Variants in PAX6 observed in about 807,000 individuals in gnomAD.
The protein encoded by PAX6 is paired box 6.
Under a neutral mutation model 60.7 loss-of-function variants are expected in PAX6, and 7 were observed. The observed-to-expected ratio is 0.12, with a 90% CI of 0.07 to 0.22. The LOEUF is 0.22. PAX6 is among the 10% of genes least tolerant of loss of function. The probability of loss-of-function intolerance (pLI) is 1.00; values close to 1 mark genes in which losing one functional copy is unlikely to be tolerated. For synonymous variants in PAX6, 208 were observed against 201.2 expected (o/e 1.03, Z -0.29); for missense variants, 355 against 555.2 (o/e 0.64, Z 3.62).
intron 2 of PAX6, chr11:31,808,690 T>A (rs1956409239): frequency 2.0e-5 from 3 of 151,780 alleles, no homozygotes; most frequent in African/African-American, 7.2e-5. Context: ...GTTGATTAGT[T>A]TTCGAAGCAG....
At chr11:31,814,913 C>T (rs1417109586), upstream of PAX6, 2 of 155,510 alleles carry the variant, frequency 1.3e-5, no homozygotes, top group African/African-American at 2.4e-5. Context: ...TTCCTCGCCT[C>T]CTGCCAAATG....
chr11:31,815,790 A>G (rs1307845302), upstream of PAX6, among the ~76,000 whole-genome samples: 2 of 147,874 alleles, frequency 1.4e-5, no homozygotes, highest in East Asian at 4.0e-4. Context: ...AAAAAAAAGT[A>G]TTTTCAATTT....
At chr11:31,816,490 T>A in intron 1 of PAX6, 1 of 700,774 alleles carries the variant, frequency 1.4e-6, no homozygotes, top group South Asian at 1.5e-5. Flanking sequence ...CGATCTCCAA[T>A]AAACATCTCT....
At chr11:31,816,594 C>T in intron 1 of PAX6, 1 of 702,596 alleles carries the variant, frequency 1.4e-6, no homozygotes, top group Non-Finnish European at 2.6e-6. Flanking sequence ...TGCTCGCCGC[C>T]CAGCTCCAGG....
chr11:31,810,749 G>A (rs1028823219), intron 2 of PAX6, 79 bp downstream of exon 2: 8 of 398,172 alleles, frequency 2.0e-5, no homozygotes, highest in Admixed American at 4.4e-5. Context: ...CGAGAGGGGA[G>A]GAAGGAAGGG....
At chr11:31,816,435 G>A in intron 1 of PAX6, 1 of 663,112 alleles carries the variant, frequency 1.5e-6, no homozygotes, top group Non-Finnish European at 2.8e-6. Context: ...CTGGTCAGAG[G>A]TAATTATGTC....
intron 5 of PAX6, chr11:31,802,353 A>T: frequency 3.1e-6 from 1 of 320,614 alleles, no homozygotes; most frequent in Middle Eastern, 9.6e-4. Context: ...AGCAGAATGA[A>T]ATTATGCCGG....
At chr11:31,809,470 T>C (rs1047393293) in intron 2 of PAX6, 13 of 152,210 alleles carry the variant, frequency 8.5e-5, no homozygotes, top group Non-Finnish European at 4.4e-5. Context: ...TTTTAAACTT[T>C]CTAGAAATCG....
chr11:31,797,706 C>CA (rs1438483370), intron 8 of PAX6, among the ~76,000 whole-genome samples: 1 of 152,150 alleles, frequency 6.6e-6, no homozygotes, highest in Admixed American at 6.5e-5. Context: ...CATTTCCCCC[C>CA]ACTTTAGTGG....
upstream of PAX6, chr11:31,811,327 G>A: frequency 5.0e-6 from 2 of 398,396 alleles, no homozygotes; most frequent in East Asian, 3.6e-5. Context: ...ACATGCAAAT[G>A]CACCGCTCGC....
intron 8 of PAX6, among the ~76,000 whole-genome samples, chr11:31,795,431 C>T (rs1439431507): frequency 6.6e-6 from 1 of 152,198 alleles, no homozygotes; most frequent in African/African-American, 2.4e-5. Context: ...GTAATTATAT[C>T]ATCACCAAGA....
rs185327778 is a variant in PAX6 at position 31,802,216 on chromosome 11, C to T, written c.142-304G>A. The T allele has an allele frequency of 7.1e-3, 2,926 of 411,642 alleles. 33 individuals are homozygous for T. The highest frequency in any genetic ancestry group is 0.024 in the South Asian group (832 of 34,160). 25.5% of individuals were successfully genotyped at this position (411,642 alleles called of 1,614,324 possible). ...TTTACTTCTTCTTCTTTAAAAAATA[C>T]TCAATTGAGTAAATGTGAGTTAGGG... On this transcript the variant is annotated intron_variant, in intron 5 of 13. Coordinates refer to ENST00000640368, the MANE Select transcript of PAX6 (RefSeq NM_001368894.2).
At chr11:31,801,003 A>C in intron 7 of PAX6, 147 bp from the exon 8 acceptor site, 1 of 862,904 alleles carries the variant, frequency 1.2e-6, no homozygotes, top group Non-Finnish European at 1.9e-6. Flanking sequence ...ATTTGCAGAT[A>C]CACCGTGGAA....
intron 7 of PAX6, 63 bp downstream of exon 7, chr11:31,801,498 G>A: frequency 6.2e-7 from 1 of 1,612,168 alleles, no homozygotes; most frequent in Non-Finnish European, 8.5e-7. Flanking sequence ...AGGGTGGGAG[G>A]AGGTAAAGAG....
Position 31,796,725 on chromosome 11 carries a change from A to T in PAX6, c.566-1937T>A, listed in dbSNP as rs535100823. ...ACATAGAGGCTAGAAAGGTATTTTT[A>T]AAAAAGGACAGAAAAGAATGCTGAG... On this transcript the variant is annotated intron_variant, in intron 8 of 13. Coordinates refer to ENST00000640368, the MANE Select transcript of PAX6 (RefSeq NM_001368894.2). Among the ~76,000 whole-genome samples, 13 of 152,262 alleles carry T rather than the reference A, an allele frequency of 8.5e-5. No homozygotes were observed. The East Asian group carries it at 2.1e-3, about 25-fold the overall frequency.
At chr11:31,800,898 T>G (rs967734579) in intron 7 of PAX6, 42 bp from the exon 8 acceptor site, 1 of 1,590,608 alleles carries the variant, frequency 6.3e-7, no homozygotes, top group Non-Finnish European at 8.6e-7. Flanking sequence ...TAGTGTCTCC[T>G]GAAGACACAG....
Position 31,794,129 on chromosome 11 carries a change from T to G in PAX6, c.725-15A>C, listed in dbSNP as rs1348967330. 6.4e-7 allele frequency: 1 copy of G among 1,554,722 alleles called. No homozygotes were observed. Among genetic ancestry groups the G allele is most frequent in the African/African-American group, 1.4e-5 (1 of 73,734 alleles). ...TCTCTCAAACTCTGAAAGAGTAAGT[T>G]GATTTTCCATATTGTGCCAGAACTA... On this transcript the variant is annotated splice_polypyrimidine_tract_variant and intron_variant, in intron 9 of 13. Transcript: ENST00000640368.
chr11:31,815,208 A>G (rs1957320344), upstream of PAX6, among the ~76,000 whole-genome samples: 1 of 152,170 alleles, frequency 6.6e-6, no homozygotes, highest in African/African-American at 2.4e-5. Context: ...CCTGACATGT[A>G]GGACAACTGA....
At chr11:31,812,162 G>A (rs1957107027), upstream of PAX6, 2 of 152,138 alleles carry the variant, frequency 1.3e-5, no homozygotes, top group Non-Finnish European at 2.9e-5. Context: ...CTTCTCCCAC[G>A]TGCCATTTGT....
Sources: allele counts gnomAD v4.1 joint callset (sites outside exome capture counted in the v4.1 genomes callset), GRCh38; gene constraint gnomAD v4.1.1; transcripts MANE v1.5; gene names NCBI Gene and HGNC (gene_info 2026-07-23, HGNC 2026-07-21).